FAR1: variants seen among roughly 807,000 people sequenced by gnomAD.
FAR1 encodes the protein male sterility domain-containing protein 2.
Under a neutral mutation model 61.1 loss-of-function variants are expected in FAR1, and 22 were observed. The observed-to-expected ratio is 0.36, with a 90% CI of 0.26 to 0.51. The LOEUF is 0.51. FAR1 is among the 20% of genes least tolerant of loss of function. The pLI is 0.95. For synonymous variants in FAR1, 206 were observed against 209.7 expected, an observed-to-expected ratio of 0.98 and a Z score of 0.15; for missense variants, 359 against 626.9, an observed-to-expected ratio of 0.57 and a Z score of 4.56.
intron 1 of FAR1, among the ~76,000 whole-genome samples, chr11:13,681,230 G>C (rs995430633): frequency 6.6e-6 from 1 of 152,098 alleles, no homozygotes; most frequent in Non-Finnish European, 1.5e-5. Flanking sequence ...TTTAAAATGG[G>C]TTTTGAGTGG....
At chr11:13,718,498 C>G (rs1848577205) in intron 9 of FAR1, among the ~76,000 whole-genome samples, 1 of 152,130 alleles carries the variant, frequency 6.6e-6, no homozygotes, top group Admixed American at 6.5e-5. Context: ...TAATGTTTTC[C>G]TGGTCCTTTC....
At position 13,706,253 on chromosome 11, in the gene FAR1, T is replaced by A. The variant is rs568310194; in HGVS notation, c.366-1647T>A. On this transcript the variant is annotated intron_variant, in intron 3 of 11. Coordinates refer to ENST00000354817, the MANE Select transcript of FAR1 (RefSeq NM_032228.6). ...ATACCACAGTTTATGTATTATTCAC[T>A]TAGAATAAACTTTAAGGAATTTTAG... Among the ~76,000 whole-genome samples the A allele has an allele frequency of 2.6e-3, 393 of 152,278 alleles. 3 individuals are homozygous for A. Among genetic ancestry groups the A allele is most frequent in the African/African-American group, 9.0e-3 (375 of 41,580 alleles).
At position 13,722,858 on chromosome 11, in the gene FAR1, C is replaced by A. The variant is rs570788184; in HGVS notation, c.1257+999C>A. ...TAGATTTCTCCCTCTCTCTCTCTCT[C>A]TATATATATATATATATATAAAATA... On this transcript the variant is annotated intron_variant, in intron 10 of 11. Coordinates refer to ENST00000354817, the MANE Select transcript of FAR1 (RefSeq NM_032228.6). Among the ~76,000 whole-genome samples the A allele has an allele frequency of 3.7e-3, 540 of 147,862 alleles. 1 individual carries two copies. Among genetic ancestry groups the A allele is most frequent in the Middle Eastern group, 0.011 (3 of 282 alleles).
At chr11:13,696,110 A>G (rs1204193617) in intron 2 of FAR1, among the ~76,000 whole-genome samples, 1 of 152,098 alleles carries the variant, frequency 6.6e-6, no homozygotes, top group African/African-American at 2.4e-5. Flanking sequence ...GTCTACATGT[A>G]TGTTTTATTG....
chr11:13,731,742 G>T lies in FAR1; in HGVS notation c.*2968G>T, dbSNP rs1276984178. ...CCTGGAATGAGGCAGGTTTTTTTCT[G>T]TTTTCTAAAAAGAGTAACCAAGATA... On this transcript the variant is annotated 3_prime_UTR_variant, in exon 12 of 12. Coordinates refer to ENST00000354817, the MANE Select transcript of FAR1 (RefSeq NM_032228.6). 1 of 152,044 alleles carries T rather than the reference G, an allele frequency of 6.6e-6. No individual in the cohort carries two copies. Among genetic ancestry groups the T allele is most frequent in the African/African-American group, 2.4e-5 (1 of 41,396 alleles). 9.4% of individuals were successfully genotyped at this position (152,044 alleles called of 1,614,324 possible). A position where few individuals can be genotyped will look rare whatever the true frequency, so the allele number is the denominator to read the frequency against.
chr11:13,708,475 A>G (rs1848463299), intron 4 of FAR1, among the ~76,000 whole-genome samples: 1 of 123,614 alleles, frequency 8.1e-6, no homozygotes, highest in African/African-American at 2.9e-5. Flanking sequence ...ACACACACAC[A>G]CATACATTTA....
chr11:13,677,711 TC>T (rs1848083574), intron 1 of FAR1, among the ~76,000 whole-genome samples: 1 of 152,238 alleles, frequency 6.6e-6, no homozygotes, highest in Non-Finnish European at 1.5e-5. Flanking sequence ...GCTTTTTTAG[TC>T]CTAGCCTTTT....
Position 13,708,005 on chromosome 11 carries a change from C to T in FAR1, c.471C>T (p.Tyr157=). 2 of 1,608,906 alleles carry T rather than the reference C, an allele frequency of 1.2e-6. No homozygotes were observed. Among genetic ancestry groups the T allele is most frequent in the African/African-American group, 2.7e-5 (2 of 74,722 alleles). The change falls in exon 4 of 12, where the codon TAC becomes TAT. Residue 157 remains tyrosine (Y), a synonymous_variant. Transcript: ENST00000354817. ...VFMHVSTAYA[Y]CNRKHIDEVV... ...TGCATGTATCAACAGCATATGCCTACTGTAATCGCAAGCATATTGATGAAG... is the reference window on the plus strand; with the variant it reads ...TGCATGTATCAACAGCATATGCCTATTGTAATCGCAAGCATATTGATGAAG...
intron 1 of FAR1, among the ~76,000 whole-genome samples, chr11:13,675,642 A>G (rs1848059964): frequency 6.6e-6 from 1 of 152,214 alleles, no homozygotes; most frequent in Non-Finnish European, 1.5e-5. Context: ...AGCCTTCTAA[A>G]TATCTTAATA....
At chr11:13,689,384 A>G (rs1006279846) in intron 1 of FAR1, among the ~76,000 whole-genome samples, 1 of 152,130 alleles carries the variant, frequency 6.6e-6, no homozygotes, top group African/African-American at 2.4e-5. Context: ...CTTTATATAA[A>G]TGGCATCATA....
chr11:13,708,648 GCTCT>G (rs1256215088), intron 4 of FAR1, among the ~76,000 whole-genome samples: 1 of 152,000 alleles, frequency 6.6e-6, no homozygotes, highest in Non-Finnish European at 1.5e-5. Context: ...GATATTAGGG[GCTCT>G]CTTTTTCAGG....
At chr11:13,690,282 TTATG>T (rs1290967369) in intron 1 of FAR1, among the ~76,000 whole-genome samples, 1 of 152,222 alleles carries the variant, frequency 6.6e-6, no homozygotes, top group Admixed American at 6.5e-5. Context: ...ATTTACATAT[TTATG>T]TATTCTAGAT....
At chr11:13,706,423 A>G (rs1258438029) in intron 3 of FAR1, among the ~76,000 whole-genome samples, 1 of 152,146 alleles carries the variant, frequency 6.6e-6, no homozygotes, top group Non-Finnish European at 1.5e-5. Context: ...GTCAGTTTGT[A>G]GTATCAACAA....
At chr11:13,712,323 AT>A (rs939900748) in intron 7 of FAR1, among the ~76,000 whole-genome samples, 2 of 151,824 alleles carry the variant, frequency 1.3e-5, no homozygotes, top group Admixed American at 6.6e-5. Flanking sequence ...CCTAAGCATG[AT>A]TTTTTAATCC....
At chr11:13,673,495 C>CT (rs1027242456) in intron 1 of FAR1, among the ~76,000 whole-genome samples, 32 of 152,310 alleles carry the variant, frequency 2.1e-4, no homozygotes, top group Admixed American at 1.5e-3. Context: ...CTTTCTTTGT[C>CT]TAACTCCAAA....
intron 1 of FAR1, among the ~76,000 whole-genome samples, chr11:13,683,469 AC>A (rs1471875908): frequency 1.3e-5 from 2 of 152,120 alleles, no homozygotes; most frequent in South Asian, 4.1e-4. Flanking sequence ...AGTAAAAAAA[AC>A]ATAGATGAAA....
intron 9 of FAR1, 144 bp downstream of exon 9, chr11:13,714,824 CTT>C (rs879183070): frequency 4.4e-6 from 3 of 684,166 alleles, no homozygotes; most frequent in Admixed American, 4.0e-5. Context: ...GAATTTAAGA[CTT>C]TGTCAGAAAA....
intron 9 of FAR1, among the ~76,000 whole-genome samples, chr11:13,718,373 C>G (rs1319478028): frequency 6.6e-6 from 1 of 152,184 alleles, no homozygotes; most frequent in Non-Finnish European, 1.5e-5. Context: ...TCTGCTAGAT[C>G]ATTGAGTTTA....
At chr11:13,682,164 G>A (rs546876207) in intron 1 of FAR1, among the ~76,000 whole-genome samples, 68 of 152,306 alleles carry the variant, frequency 4.5e-4, no homozygotes, top group African/African-American at 1.3e-3. Flanking sequence ...TGGCATTAAT[G>A]TGTTGTTTTG....
Sources: allele counts gnomAD v4.1 joint callset (sites outside exome capture counted in the v4.1 genomes callset), GRCh38; gene constraint gnomAD v4.1.1; transcripts MANE v1.5; gene names NCBI Gene and HGNC (gene_info 2026-07-23, HGNC 2026-07-21).